Variants in UGP2 observed in about 807,000 individuals in gnomAD.
The protein encoded by UGP2 is UTP--glucose-1-phosphate uridylyltransferase.
In UGP2, 40 loss-of-function variants were observed where a neutral mutation model predicts 49.0. That is an observed-to-expected ratio of 0.82 (90% CI 0.63 to 1.06). The LOEUF (loss-of-function observed/expected upper bound fraction) is 1.06. Ranked by LOEUF, UGP2 falls within the 50% of genes least tolerant of loss-of-function variation. The pLI is 0.00. For missense variants in UGP2, 460 were observed against 603.5 expected, an observed-to-expected ratio of 0.76 and a Z score of 2.49; for synonymous variants, 225 against 213.0, an observed-to-expected ratio of 1.06 and a Z score of -0.49.
rs974076902 is a variant in UGP2 at position 63,841,921 on chromosome 2, G to A, written c.-265G>A. 1.2e-5 allele frequency: 5 copies of A among 415,710 alleles called. No homozygotes were observed. The highest frequency in any genetic ancestry group is 8.2e-5 in the African/African-American group (4 of 48,944). 25.8% of individuals were successfully genotyped at this position (415,710 alleles called of 1,614,324 possible). On this transcript the variant is annotated 5_prime_UTR_variant, in exon 1 of 10. The change creates a new upstream start codon in the 5' untranslated region. Coordinates refer to ENST00000337130, the MANE Select transcript of UGP2 (RefSeq NM_006759.4). ...GGGAGTCTCCAGCTGGCCCTCATTT[G>A]TGTCCGGAGCTCAGGAGTTCCCAAA...
intron 3 of UGP2, among the ~76,000 whole-genome samples, chr2:63,874,091 A>G (rs894695912): frequency 2.0e-5 from 3 of 152,198 alleles, no homozygotes; most frequent in African/African-American, 7.2e-5. Context: ...CTTTGGCACA[A>G]ATAGCTGCAA....
chr2:63,870,785 G>A (rs1426748822), intron 3 of UGP2, among the ~76,000 whole-genome samples: 1 of 152,156 alleles, frequency 6.6e-6, no homozygotes, highest in Non-Finnish European at 1.5e-5. Context: ...GGAAGTTTCT[G>A]CCCTTATGGA....
intron 3 of UGP2, among the ~76,000 whole-genome samples, chr2:63,878,501 A>G (rs1388751120): frequency 6.6e-6 from 1 of 152,248 alleles, no homozygotes; most frequent in African/African-American, 2.4e-5. Context: ...CAGGAAAGAA[A>G]AGCAGCACAT....
intron 3 of UGP2, among the ~76,000 whole-genome samples, chr2:63,879,652 G>A (rs190641168): frequency 1.1e-4 from 17 of 152,340 alleles, no homozygotes; most frequent in South Asian, 2.1e-4. Flanking sequence ...CCGGATACCC[G>A]TAGGGGTAGA....
rs535718486 is a variant in UGP2, at chr2:63,869,423, C to A, written c.255+11487C>A. 7.0e-4 allele frequency among the ~76,000 whole-genome samples: 106 copies of A among 152,016 alleles called. 1 individual carries two copies. Among genetic ancestry groups the A allele is most frequent in the African/African-American group, 2.4e-3 (100 of 41,490 alleles). ...ATTTATTAGCAGGTTGATCTTTTTT[C>A]CATTGGCTGTTGTATTAACTGCTGT... On this transcript the variant is annotated intron_variant, in intron 3 of 9. Transcript: ENST00000337130.
chr2:63,868,691 C>T (rs967276743), intron 3 of UGP2, among the ~76,000 whole-genome samples: 28 of 152,240 alleles, frequency 1.8e-4, no homozygotes, highest in African/African-American at 5.8e-4. Context: ...AGGCTGGGCG[C>T]GGTAGCTCAC....
At chr2:63,884,919 T>C (rs2104358074) in intron 5 of UGP2, among the ~76,000 whole-genome samples, 2 of 137,656 alleles carry the variant, frequency 1.5e-5, no homozygotes, top group Middle Eastern at 7.6e-3. Flanking sequence ...AAAATAAAAA[T>C]AAAAAAGAAG....
At chr2:63,857,486 C>T (rs1034024664) in intron 2 of UGP2, 3 of 395,862 alleles carry the variant, frequency 7.6e-6, no homozygotes, top group African/African-American at 4.1e-5. Flanking sequence ...ACCTCAGCCC[C>T]CGAGTAGGTG....
rs187419895 is a variant in UGP2, at chr2:63,860,536, A to G, written c.255+2600A>G. Among the ~76,000 whole-genome samples, 59 of 152,276 alleles carry G rather than the reference A, an allele frequency of 3.9e-4. 2 individuals are homozygous for G. In the East Asian group the frequency reaches 9.7e-3, roughly 25 times the overall value. Reference sequence around the variant, plus strand: ...AGCTTTCTTTATTTCTTTGGCCCTCAGAAAACTGACCTCATATGCCTTTGT... The same window carrying G: ...AGCTTTCTTTATTTCTTTGGCCCTCGGAAAACTGACCTCATATGCCTTTGT... On this transcript the variant is annotated intron_variant, in intron 3 of 9. Coordinates refer to ENST00000337130, the MANE Select transcript of UGP2 (RefSeq NM_006759.4).
intron 3 of UGP2, among the ~76,000 whole-genome samples, chr2:63,860,879 T>TA (rs1669792187): frequency 6.6e-6 from 1 of 151,430 alleles, no homozygotes; most frequent in Non-Finnish European, 1.5e-5. Flanking sequence ...ATAAAAATAG[T>TA]TTTTCATAAA....
chr2:63,858,921 A>T, intron 3 of UGP2, among the ~76,000 whole-genome samples: 1 of 123,956 alleles, frequency 8.1e-6, no homozygotes, highest in Non-Finnish European at 1.6e-5. Context: ...TTTGCTTAGG[A>T]ATTACCCTAA....
At chr2:63,847,429 C>T (rs970096549) in intron 1 of UGP2, among the ~76,000 whole-genome samples, 5 of 152,110 alleles carry the variant, frequency 3.3e-5, no homozygotes, top group African/African-American at 1.2e-4. Flanking sequence ...ACTGTAGTTT[C>T]CTAGTTCCCA....
chr2:63,882,786 TG>T (rs1156911736), intron 4 of UGP2, 135 bp downstream of exon 4: 3 of 1,003,698 alleles, frequency 3.0e-6, no homozygotes, highest in Non-Finnish European at 4.0e-6. Context: ...TCTTTATTGG[TG>T]GAAAAAAGGT....
chr2:63,867,600 A>T (rs1670267102), intron 3 of UGP2, among the ~76,000 whole-genome samples: 1 of 152,112 alleles, frequency 6.6e-6, no homozygotes, highest in African/African-American at 2.4e-5. Flanking sequence ...TGGAATTAAG[A>T]GTCTAGATTG....
At chr2:63,886,059 TA>T (rs1671650232) in intron 6 of UGP2, among the ~76,000 whole-genome samples, 173 bp downstream of exon 6, 3 of 152,174 alleles carry the variant, frequency 2.0e-5, no homozygotes, top group East Asian at 1.9e-4. Context: ...AAATCATCTC[TA>T]TTTTTTTGGA....
At chr2:63,877,999 CAAAAAAAAAAAA>C (rs61669991) in intron 3 of UGP2, among the ~76,000 whole-genome samples, 13 of 67,888 alleles carry the variant, frequency 1.9e-4, no homozygotes, top group Non-Finnish European at 2.3e-4. Flanking sequence ...GACTCCGTCT[CAAAAAAAAAAAA>C]AAAAAAAAAA....
intron 1 of UGP2, among the ~76,000 whole-genome samples, chr2:63,852,379 T>C (rs1184294718): frequency 6.6e-6 from 1 of 152,246 alleles, no homozygotes; most frequent in Non-Finnish European, 1.5e-5. Flanking sequence ...GTGATTTGTA[T>C]GTACATTAAA....
chr2:63,863,136 T>C (rs987194492), intron 3 of UGP2, among the ~76,000 whole-genome samples: 2 of 152,162 alleles, frequency 1.3e-5, no homozygotes, highest in South Asian at 4.1e-4. Context: ...TACATAACTG[T>C]TGGTAGTGTT....
intron 9 of UGP2, among the ~76,000 whole-genome samples, chr2:63,890,742 T>C (rs901011481): frequency 2.0e-5 from 3 of 152,304 alleles, no homozygotes; most frequent in South Asian, 2.1e-4. Context: ...TAAACTGTTA[T>C]AAAAACAACA....
Sources: gnomAD v4.1 joint callset for allele counts (sites outside exome capture counted in the v4.1 genomes callset) on GRCh38, gnomAD v4.1.1 for gene constraint, MANE v1.5 for transcripts, NCBI Gene and HGNC (gene_info 2026-07-23, HGNC 2026-07-21) for gene names.